Variants in RORA observed in about 807,000 individuals in gnomAD.
The protein encoded by RORA is nuclear receptor ROR-alpha.
RORA carries 7 observed loss-of-function variants against 69.5 expected under a neutral mutation model. The ratio of observed to expected loss-of-function variants is 0.10; its 90% CI spans 0.06 to 0.19. The LOEUF is 0.19. RORA is among the 10% of genes least tolerant of loss of function. The pLI is 1.00. For synonymous variants in RORA, 261 were observed against 240.8 expected (o/e 1.08, Z -0.78); for missense variants, 457 against 663.0 (o/e 0.69, Z 3.41).
chr15:61,051,215 T>A (rs1897276363), intron 1 of RORA, among the ~76,000 whole-genome samples: 3 of 152,270 alleles, frequency 2.0e-5, no homozygotes, highest in South Asian at 4.2e-4. Context: ...CAGAAGGTGA[T>A]ACTGCCACAT....
chr15:60,819,757 A>ACACACACACACACACACACACACG (rs2072864986), intron 1 of RORA, among the ~76,000 whole-genome samples: 13 of 59,600 alleles, frequency 2.2e-4, no homozygotes, highest in African/African-American at 4.9e-4. Context: ...ACACACACAC[A>ACACACACACACACACACACACACG]CACACACACA....
rs550913853 is a variant in RORA, at chr15:60,905,569, T to A, written c.167-226883A>T. ...CAGTTGCTAAACAGATGAAAGTAGG[T>A]CTGAGGCAAGGGGTAGCATAACTAT... On this transcript the variant is annotated intron_variant, in intron 1 of 10. Transcript: ENST00000335670. The surrounding 1 kb of genome is among the most constrained non-coding windows in gnomAD (Gnocchi z 4.8). 2.0e-5 allele frequency among the ~76,000 whole-genome samples: 3 copies of A among 152,236 alleles called. No individual in the cohort carries two copies. Among genetic ancestry groups the A allele is most frequent in the Non-Finnish European group, 4.4e-5 (3 of 68,040 alleles).
chr15:60,557,447 A>C lies in RORA; in HGVS notation c.197-25596T>G, dbSNP rs79878654. On this transcript the variant is annotated intron_variant, in intron 2 of 10. Transcript: ENST00000335670. ...GACAAAAAAGGCCAGGGGAGTGAAC[A>C]CAAAGTTTTGGCTGAGTTACTTTGT... 9.1e-3 allele frequency among the ~76,000 whole-genome samples: 1,389 copies of C among 152,332 alleles called. 14 individuals carry two copies. Among genetic ancestry groups the C allele is most frequent in the Non-Finnish European group, 0.013 (863 of 68,034 alleles).
chr15:60,500,037 C>A, intron 9 of RORA, 33 bp from the exon 10 acceptor site: 1 of 1,308,758 alleles, frequency 7.6e-7, no homozygotes, highest in Non-Finnish European at 1.1e-6. Flanking sequence ...CTTTAGCATT[C>A]CTCTGACATG....
chr15:60,946,360 C>T (rs1892873348), intron 1 of RORA, among the ~76,000 whole-genome samples: 2 of 152,336 alleles, frequency 1.3e-5, no homozygotes, highest in Non-Finnish European at 2.9e-5. Flanking sequence ...CTCACTGCAA[C>T]CTCCCTGCCT....
intron 2 of RORA, among the ~76,000 whole-genome samples, chr15:60,648,401 C>T (rs375442258): frequency 7.2e-5 from 11 of 152,272 alleles, no homozygotes; most frequent in Admixed American, 7.2e-4. Flanking sequence ...CTTAGGTGCC[C>T]GTAGATCATT....
chr15:61,185,843 A>G (rs1241648160), intron 1 of RORA, among the ~76,000 whole-genome samples: 1 of 151,916 alleles, frequency 6.6e-6, no homozygotes, highest in African/African-American at 2.4e-5. Context: ...CTTCTCTCTG[A>G]TCTCTTATCA....
At chr15:61,011,135 C>G (rs925104353) in intron 1 of RORA, among the ~76,000 whole-genome samples, 1 of 152,172 alleles carries the variant, frequency 6.6e-6, no homozygotes, top group Non-Finnish European at 1.5e-5. Flanking sequence ...CCTCCCACCC[C>G]CCTCATTCAA....
At chr15:60,640,554 C>T (rs2069925315) in intron 2 of RORA, among the ~76,000 whole-genome samples, 1 of 152,192 alleles carries the variant, frequency 6.6e-6, no homozygotes, top group Non-Finnish European at 1.5e-5. Context: ...CCTTCAAAGG[C>T]CCATGTGATC....
intron 1 of RORA, among the ~76,000 whole-genome samples, chr15:61,000,332 G>A (rs1894707143): frequency 6.6e-6 from 1 of 152,148 alleles, no homozygotes; most frequent in Admixed American, 6.5e-5. Flanking sequence ...ACATTTTAAG[G>A]CCTGGGAACA....
At chr15:60,673,599 C>T (rs966020223) in intron 2 of RORA, among the ~76,000 whole-genome samples, 2 of 152,282 alleles carry the variant, frequency 1.3e-5, no homozygotes, top group Middle Eastern at 3.4e-3. Context: ...TATGAGAATC[C>T]TCGATGTTTT....
At chr15:61,222,711 C>T (rs1048691525) in intron 1 of RORA, among the ~76,000 whole-genome samples, 2 of 152,236 alleles carry the variant, frequency 1.3e-5, no homozygotes, top group Non-Finnish European at 2.9e-5. Flanking sequence ...AAGTCAGCTT[C>T]TGATGGTGTG....
At chr15:60,861,082 C>T (rs991465242) in intron 1 of RORA, among the ~76,000 whole-genome samples, 2 of 152,160 alleles carry the variant, frequency 1.3e-5, no homozygotes, top group Non-Finnish European at 2.9e-5. Context: ...TGAAAACGAC[C>T]TTTTGGCTGT....
Position 60,784,240 on chromosome 15 carries a change from G to A in RORA, c.167-105554C>T, listed in dbSNP as rs181478904. Among the ~76,000 whole-genome samples, 213 of 152,220 alleles carry A rather than the reference G, an allele frequency of 1.4e-3. 1 individual carries two copies. In the Middle Eastern group the frequency reaches 0.034, roughly 24 times the overall value. On this transcript the variant is annotated intron_variant, in intron 1 of 10. Transcript: ENST00000335670. ...GACAAAAAATAGATGGAGTTATTTT[G>A]TTGTTGTTGTTGTTCATGTTATTCC...
chr15:61,025,346 C>T (rs1416476606), intron 1 of RORA, among the ~76,000 whole-genome samples: 2 of 152,180 alleles, frequency 1.3e-5, no homozygotes, highest in Non-Finnish European at 2.9e-5. Flanking sequence ...CCCAGACAGC[C>T]GCTCATTCCC....
chr15:60,531,687 A>G lies in RORA; in HGVS notation c.282+79T>C. 1.4e-6 allele frequency: 1 copy of G among 739,494 alleles called. No individual in the cohort carries two copies. The highest frequency in any genetic ancestry group is 2.2e-6 in the Non-Finnish European group (1 of 448,574). 45.8% of individuals were successfully genotyped at this position (739,494 alleles called of 1,614,324 possible). On this transcript the variant is annotated intron_variant, in intron 3 of 10. Coordinates refer to ENST00000335670, the MANE Select transcript of RORA (RefSeq NM_134261.3). The surrounding 1 kb of genome is among the most constrained non-coding windows in gnomAD (Gnocchi z 4.8). Reference sequence around the variant, plus strand: ...AAATTCTAAGGAGTTGAATTTTAAGACATAAGTGGAGACATACAAATCACA... The same window carrying G: ...AAATTCTAAGGAGTTGAATTTTAAGGCATAAGTGGAGACATACAAATCACA...
intron 1 of RORA, among the ~76,000 whole-genome samples, chr15:60,960,880 C>G (rs1893398553): frequency 6.6e-6 from 1 of 152,048 alleles, no homozygotes; most frequent in Non-Finnish European, 1.5e-5. Flanking sequence ...TCAAAGCAAC[C>G]CAAGAGACCG....
In RORA at chr15:61,133,073, C is replaced by T. The variant is rs147385206; in HGVS notation, c.166+95980G>A. The stretch of plus-strand genomic sequence containing the variant: ...AAAAGGTAACTCTCTAAAAGTAAAA[C>T]TGTAAATACTAGAAAATGTATCATA... On this transcript the variant is annotated intron_variant, in intron 1 of 10. Coordinates refer to ENST00000335670, the MANE Select transcript of RORA (RefSeq NM_134261.3). 7.0e-3 allele frequency among the ~76,000 whole-genome samples: 1,064 copies of T among 151,686 alleles called. 17 individuals are homozygous for T. Among genetic ancestry groups the T allele is most frequent in the African/African-American group, 0.024 (1,002 of 41,250 alleles).
intron 1 of RORA, among the ~76,000 whole-genome samples, chr15:61,001,665 A>T (rs112139847): frequency 6.6e-6 from 1 of 152,220 alleles, no homozygotes; most frequent in Admixed American, 6.5e-5. Context: ...GGAAGCCAAC[A>T]TGGTAACTGT....
Sources: allele counts gnomAD v4.1 joint callset (sites outside exome capture counted in the v4.1 genomes callset), GRCh38; gene constraint gnomAD v4.1.1; non-coding constraint Gnocchi (gnomAD v3.1); transcripts MANE v1.5; gene names NCBI Gene and HGNC (gene_info 2026-07-23, HGNC 2026-07-21).